Variants in HOOK3 observed in about 807,000 individuals in gnomAD.
HOOK3 encodes the protein hook microtubule tethering protein 3.
A neutral mutation model predicts 116.3 loss-of-function variants in HOOK3; 24 were observed. The ratio of observed to expected loss-of-function variants is 0.21; its 90% CI spans 0.15 to 0.29. HOOK3 has a LOEUF of 0.29. HOOK3 is among the 10% of genes least tolerant of loss of function. The pLI, the probability that HOOK3 is intolerant of heterozygous loss-of-function variation, is 1.00. For missense variants in HOOK3, 632 were observed against 830.2 expected, an observed-to-expected ratio of 0.76 and a Z score of 2.93; for synonymous variants, 275 against 283.0, an observed-to-expected ratio of 0.97 and a Z score of 0.28.
chr8:43,017,144 T>G (rs1484378472), intron 21 of HOOK3, among the ~76,000 whole-genome samples: 1 of 152,246 alleles, frequency 6.6e-6, no homozygotes, highest in African/African-American at 2.4e-5. Context: ...TCCACCTGGC[T>G]CTCCTTTTGC....
chr8:42,953,314 C>T (rs1170704059), intron 6 of HOOK3, among the ~76,000 whole-genome samples: 1 of 150,638 alleles, frequency 6.6e-6, no homozygotes, highest in Non-Finnish European at 1.5e-5. Flanking sequence ...GCCTGTAATC[C>T]CAGCACATTG....
chr8:43,016,945 G>C (rs1338130793), intron 21 of HOOK3, among the ~76,000 whole-genome samples: 1 of 152,152 alleles, frequency 6.6e-6, no homozygotes, highest in African/African-American at 2.4e-5. Flanking sequence ...TGGCCAAGGT[G>C]GGAGGATCTC....
intron 16 of HOOK3, 87 bp from the exon 17 acceptor site, chr8:43,002,020 T>A: frequency 1.2e-6 from 1 of 848,864 alleles, no homozygotes; most frequent in Non-Finnish European, 1.9e-6. Flanking sequence ...CACTCAAAAT[T>A]AATGACTATT....
In HOOK3 at chr8:43,022,211, T is replaced by G. The variant is rs1809843550; in HGVS notation, c.*3713T>G. 1 of 212,492 alleles carries G rather than the reference T, an allele frequency of 4.7e-6. No individual in the cohort carries two copies. The highest frequency in any genetic ancestry group is 1.9e-4 in the South Asian group (1 of 5,362). The allele number at this position is 212,492 out of a possible 1,614,324, so 13.2% of individuals were successfully genotyped here. A position where few individuals can be genotyped will look rare whatever the true frequency, so the allele number is the denominator to read the frequency against. ...CTTTGGACAGGGTTTATGACGTTTC[T>G]GTTTCTCTAGTAATGATTAATGATT... On this transcript the variant is annotated 3_prime_UTR_variant, in exon 22 of 22. Coordinates refer to ENST00000307602, the MANE Select transcript of HOOK3 (RefSeq NM_032410.4).
chr8:42,970,803 T>C (rs1220439974), intron 11 of HOOK3, among the ~76,000 whole-genome samples: 5 of 149,524 alleles, frequency 3.3e-5, no homozygotes, highest in South Asian at 2.1e-4. Context: ...TTTTTTTTTT[T>C]CTGAGACAGG....
At chr8:42,923,618 C>A (rs1266886821) in intron 2 of HOOK3, among the ~76,000 whole-genome samples, 1 of 152,072 alleles carries the variant, frequency 6.6e-6, no homozygotes, top group Non-Finnish European at 1.5e-5. Flanking sequence ...TAGACAAATT[C>A]ATAGAGACAG....
chr8:42,940,265 C>T (rs796800982), intron 4 of HOOK3, among the ~76,000 whole-genome samples: 12 of 152,368 alleles, frequency 7.9e-5, no homozygotes, highest in South Asian at 4.1e-4. Context: ...GGATCACTCG[C>T]GGCTAGGAGC....
intron 16 of HOOK3, among the ~76,000 whole-genome samples, chr8:42,998,830 A>G (rs746540490): frequency 5.3e-5 from 8 of 152,184 alleles, no homozygotes; most frequent in Non-Finnish European, 8.8e-5. Context: ...AATTTAAAAC[A>G]TGTTTTTATT....
chr8:43,018,019 A>G (rs910208118), intron 21 of HOOK3, among the ~76,000 whole-genome samples: 1 of 152,228 alleles, frequency 6.6e-6, no homozygotes, highest in Non-Finnish European at 1.5e-5. Context: ...GAGTGAATCA[A>G]CTGCTACCAA....
At chr8:42,924,613 T>C (rs1807727139) in intron 2 of HOOK3, among the ~76,000 whole-genome samples, 1 of 152,170 alleles carries the variant, frequency 6.6e-6, no homozygotes, top group Admixed American at 6.5e-5. Flanking sequence ...TATTAGGTGG[T>C]GGAGTTCATT....
At chr8:42,901,275 C>T (rs1807183842) in intron 1 of HOOK3, among the ~76,000 whole-genome samples, 1 of 152,182 alleles carries the variant, frequency 6.6e-6, no homozygotes, top group South Asian at 2.1e-4. Flanking sequence ...GATTATAACC[C>T]TTCAGGTAGA....
rs59033055 is a variant in HOOK3, at chr8:42,990,325, C to CTTTTTTT, written c.1532+3561_1532+3567dup. ...TTGAGAAATAAATATCTGTTTAGAT[C>CTTTTTTT]TTTTTTTTTTTTTTTTTTTTTTTTT... On this transcript the variant is annotated intron_variant, in intron 15 of 21. Coordinates refer to ENST00000307602, the MANE Select transcript of HOOK3 (RefSeq NM_032410.4). Among the ~76,000 whole-genome samples the CTTTTTTT allele has an allele frequency of 9.8e-4, 37 of 37,902 alleles. 8 individuals are homozygous for CTTTTTTT. Among genetic ancestry groups the CTTTTTTT allele is most frequent in the Non-Finnish European group, 1.4e-3 (26 of 18,928 alleles). The allele number at this position is 37,902 out of a possible 152,430, so 24.9% of individuals were successfully genotyped here. A position where few individuals can be genotyped will look rare whatever the true frequency, so the allele number is the denominator to read the frequency against.
At chr8:43,012,861 C>A (rs1039681800) in intron 19 of HOOK3, among the ~76,000 whole-genome samples, 190 bp from the exon 20 acceptor site, 1 of 152,150 alleles carries the variant, frequency 6.6e-6, no homozygotes, top group Admixed American at 6.6e-5. Flanking sequence ...CTCAGCCTCC[C>A]AAAGTGCTGT....
intron 15 of HOOK3, among the ~76,000 whole-genome samples, chr8:42,990,325 C>CTTTTTTTTTTTTTT (rs59033055): frequency 2.6e-5 from 1 of 37,902 alleles, no homozygotes; most frequent in Non-Finnish European, 5.3e-5. Flanking sequence ...CTGTTTAGAT[C>CTTTTTTTTTTTTTT]TTTTTTTTTT....
intron 1 of HOOK3, among the ~76,000 whole-genome samples, chr8:42,901,918 C>G (rs1807198165): frequency 6.6e-6 from 1 of 152,168 alleles, no homozygotes; most frequent in Admixed American, 6.5e-5. Flanking sequence ...CTATGTTGGT[C>G]AGGCTGGTCT....
intron 2 of HOOK3, among the ~76,000 whole-genome samples, chr8:42,911,375 G>T (rs1312872729): frequency 6.6e-6 from 1 of 152,076 alleles, no homozygotes; most frequent in African/African-American, 2.4e-5. Context: ...TGCTTGAACC[G>T]GGAAAGTGGA....
chr8:42,914,964 C>T (rs80165258), intron 2 of HOOK3, among the ~76,000 whole-genome samples: 1 of 152,124 alleles, frequency 6.6e-6, no homozygotes, highest in Non-Finnish European at 1.5e-5. Context: ...ATTTGAGTTT[C>T]AGTATGGCAT....
At chr8:42,905,458 C>T in intron 1 of HOOK3, among the ~76,000 whole-genome samples, 1 of 151,970 alleles carries the variant, frequency 6.6e-6, no homozygotes, top group East Asian at 1.9e-4. Flanking sequence ...ATGGAGGCAG[C>T]ATACTTAAAT....
In HOOK3 at chr8:42,964,549, A is replaced by G. The variant is rs1316142498; in HGVS notation, c.779+75A>G. 4 of 1,361,948 alleles carry G rather than the reference A, an allele frequency of 2.9e-6. No individual in the cohort carries two copies. In the Admixed American group the frequency reaches 5.8e-5, roughly 20 times the overall value. 84.4% of individuals were successfully genotyped at this position (1,361,948 alleles called of 1,614,324 possible). Reference sequence around the variant, plus strand: ...ATTTAAAGTTAAGAGTATATTGGCCAGGCACATTGGTCCATGCCTGGAATC... The same window carrying G: ...ATTTAAAGTTAAGAGTATATTGGCCGGGCACATTGGTCCATGCCTGGAATC... On this transcript the variant is annotated intron_variant, in intron 9 of 21. Coordinates refer to ENST00000307602, the MANE Select transcript of HOOK3 (RefSeq NM_032410.4).
Sources: gnomAD v4.1 joint callset for allele counts (sites outside exome capture counted in the v4.1 genomes callset) on GRCh38, gnomAD v4.1.1 for gene constraint, MANE v1.5 for transcripts, NCBI Gene and HGNC (gene_info 2026-07-23, HGNC 2026-07-21) for gene names.